Variants in PRRT4 observed in about 807,000 individuals in gnomAD.
PRRT4 encodes the protein proline-rich transmembrane protein 4.
In PRRT4, 59 loss-of-function variants were observed where a neutral mutation model predicts 55.6. That is an observed-to-expected ratio of 1.06 (90% confidence interval 0.86 to 1.32). The LOEUF (loss-of-function observed/expected upper bound fraction) is 1.32, where lower values mean the gene tolerates loss of function less well. Ranked by LOEUF, PRRT4 falls within the 40% of genes most tolerant of loss-of-function variation. The probability of loss-of-function intolerance (pLI) is 0.00; values close to 1 mark genes in which losing one functional copy is unlikely to be tolerated. For synonymous variants in PRRT4, 606 were observed against 601.8 expected, an observed-to-expected ratio of 1.01 and a Z score of -0.10; for missense variants, 1,217 against 1,222.0, an observed-to-expected ratio of 1.00 and a Z score of 0.06.
chr7:128,357,708 G>A (rs73230664), intron 4 of PRRT4, among the ~76,000 whole-genome samples: 4,973 of 152,306 alleles, frequency 0.033, 94 homozygotes, highest in South Asian at 0.066. Context: ...TGAGCCTAGT[G>A]AGGGGTGACT....
rs1165551855 is a variant in PRRT4 at position 128,351,905 on chromosome 7, G to A, written c.1651C>T (p.Arg551Trp). The A allele has an allele frequency of 6.0e-6, 8 of 1,323,592 alleles. No homozygotes were observed. In the South Asian group the frequency reaches 6.4e-5, roughly 11 times the overall value. The allele number at this position is 1,323,592 out of a possible 1,614,324, so 82.0% of individuals were successfully genotyped here. ...CGCGCCGCGCGCCGCCAGGACTCCC[G>A]AGGGGCGAAGGGGCTGCGCCCCTGC... The change falls in exon 5 of 5, where the codon CGG becomes TGG. Residue 551 changes from arginine (R) to tryptophan (W), a missense_variant. Around this residue, in one of 3 missense-constraint regions of PRRT4, gnomAD observed 642 missense variants for 600.9 expected, o/e 1.07. Coordinates refer to ENST00000535159, the Ensembl canonical transcript of PRRT4.
chr7:128,351,583 G>A (rs1796971496), exon 5 of PRRT4: 3 of 1,502,850 alleles, frequency 2.0e-6, no homozygotes, highest in African/African-American at 2.9e-5. Flanking sequence ...CTCCTTGTCT[G>A]GGGGCCCAGT....
chr7:128,356,895 C>G (rs1255056586), intron 4 of PRRT4, among the ~76,000 whole-genome samples: 1 of 152,190 alleles, frequency 6.6e-6, no homozygotes, highest in African/African-American at 2.4e-5. Flanking sequence ...AGGGGTGACA[C>G]TCAAAATGTC....
intron 3 of PRRT4, 129 bp downstream of exon 4, chr7:128,359,020 G>T: frequency 8.3e-7 from 1 of 1,209,252 alleles, no homozygotes; most frequent in Non-Finnish European, 1.2e-6. Flanking sequence ...GGAAGTAGTA[G>T]CCCATATCCT....
intron 4 of PRRT4, among the ~76,000 whole-genome samples, chr7:128,357,395 GC>G (rs1797137630): frequency 6.6e-6 from 1 of 152,066 alleles, no homozygotes; most frequent in African/African-American, 2.4e-5. Context: ...ATGAGGTGGG[GC>G]CGCCAGCCTG....
chr7:128,352,240 AG>A lies in PRRT4; in HGVS notation c.1315del (p.Leu439PhefsTer132). ...GCCGGCAGCCAAGCAGGGCAGCGGA[AG>A]GTCCTGCAGCAGCAGCCAGGCGAGC... On this transcript the variant is annotated frameshift_variant, in exon 5 of 5. Coordinates refer to ENST00000535159, the Ensembl canonical transcript of PRRT4. LOFTEE classifies it high-confidence loss of function. 6.5e-7 allele frequency: 1 copy of A among 1,539,710 alleles called. No individual in the cohort carries two copies. Among genetic ancestry groups the A allele is most frequent in the Non-Finnish European group, 8.7e-7 (1 of 1,145,360 alleles).
exon 5 of PRRT4, chr7:128,351,639 G>A (rs1456586762): frequency 4.6e-6 from 7 of 1,515,806 alleles, no homozygotes; most frequent in African/African-American, 2.8e-5. Flanking sequence ...CCGGGGACAA[G>A]CGGAAGAGCT....
chr7:128,361,097 T>TCACACA (rs1384355573), intron 1 of PRRT4, among the ~76,000 whole-genome samples: 2 of 136,302 alleles, frequency 1.5e-5, no homozygotes, highest in African/African-American at 5.9e-5. Flanking sequence ...TCTCTCTCTC[T>TCACACA]CTCTCTCACA....
At chr7:128,357,469 C>A (rs868415750) in intron 4 of PRRT4, among the ~76,000 whole-genome samples, 1 of 152,134 alleles carries the variant, frequency 6.6e-6, no homozygotes, top group East Asian at 1.9e-4. Context: ...GCGCTGTCAC[C>A]AAGGCCGACA....
At chr7:128,350,902 C>T in exon 5 of PRRT4, 2 of 1,550,858 alleles carry the variant, frequency 1.3e-6, no homozygotes, top group South Asian at 1.2e-5. Context: ...GTCGATCTGT[C>T]GGCAGGCGTC....
exon 5 of PRRT4, chr7:128,350,858 A>G (rs931083399): frequency 2.6e-6 from 4 of 1,550,714 alleles, no homozygotes; most frequent in Non-Finnish European, 1.7e-6. Context: ...CCACCTCTTC[A>G]CAGGTCTATG....
In PRRT4 at chr7:128,358,932, GC is replaced by G. The variant is rs1797173141; in HGVS notation, c.758-133del. ...ACTGTCCCAGGAATTGTAGCCACAT[GC>G]TAAGCTCATGTACACCATGAGCTAA... On this transcript the variant is annotated intron_variant, in intron 3 of 4. Coordinates refer to ENST00000535159, the Ensembl canonical transcript of PRRT4. This position sits in a 1 kb window ranked among gnomAD's most constrained non-coding sequence, Gnocchi z 4.4. 1 of 1,394,960 alleles carries G rather than the reference GC, an allele frequency of 7.2e-7. No individual in the cohort carries two copies. The highest frequency in any genetic ancestry group is 1.5e-5 in the African/African-American group (1 of 68,576). The allele number at this position is 1,394,960 out of a possible 1,614,324, so 86.4% of individuals were successfully genotyped here.
chr7:128,359,524 G>A (rs1797192408), exon 2 of PRRT4: 1 of 1,478,852 alleles, frequency 6.8e-7, no homozygotes, highest in Non-Finnish European at 9.0e-7. Context: ...TCAGAGCAGT[G>A]TCCCAGGTCA....
chr7:128,354,274 C>T (rs1797063918), intron 4 of PRRT4, among the ~76,000 whole-genome samples: 1 of 152,138 alleles, frequency 6.6e-6, no homozygotes, highest in South Asian at 2.1e-4. Context: ...CAAAACATAA[C>T]AGTTCTAGGC....
chr7:128,351,494 G>A, exon 5 of PRRT4: 2 of 1,517,350 alleles, frequency 1.3e-6, no homozygotes, highest in Non-Finnish European at 1.8e-6. Context: ...CCCTGGAGTA[G>A]GAGGTCTGGG....
At chr7:128,350,583 T>C (rs544072322), downstream of PRRT4, 136 of 500,020 alleles carry the variant, frequency 2.7e-4, 1 homozygote, top group Middle Eastern at 2.2e-3. Context: ...CCTTGGAGCT[T>C]TATTGCTGGT....
rs754126331 is a variant in PRRT4, at chr7:128,359,865, T to G, written c.127A>C (p.Ser43Arg). 2.0e-4 allele frequency: 297 copies of G among 1,481,990 alleles called. No individual in the cohort carries two copies. Among genetic ancestry groups the G allele is most frequent in the Non-Finnish European group, 2.5e-4 (279 of 1,110,792 alleles). 91.8% of individuals were successfully genotyped at this position (1,481,990 alleles called of 1,614,324 possible). ...TTGAGAGACAGCATAGAGGCCTCAC[T>G]TTGAGGTACGGGGGTCAAAGTGGTG... is the stretch of plus-strand genomic sequence containing the variant. Residue 43 changes from serine to arginine, a missense_variant, in exon 2 of 5, where the codon AGT becomes CGT. Physicochemically the swap from Ser to Arg is moderately radical, Grantham distance 110. Coordinates refer to ENST00000535159, the Ensembl canonical transcript of PRRT4.
exon 5 of PRRT4, chr7:128,351,975 C>A: frequency 1.5e-6 from 2 of 1,299,128 alleles, no homozygotes; most frequent in Non-Finnish European, 2.0e-6. Flanking sequence ...CCAGGGGCGC[C>A]CCGGCCCGCC....
intron 4 of PRRT4, among the ~76,000 whole-genome samples, chr7:128,355,418 G>A (rs549881008): frequency 2.6e-5 from 4 of 152,052 alleles, no homozygotes; most frequent in Admixed American, 6.6e-5. Flanking sequence ...GGCTGGTCTC[G>A]AACTCCTGAC....
Sources: allele counts gnomAD v4.1 joint callset (sites outside exome capture counted in the v4.1 genomes callset), GRCh38; gene constraint gnomAD v4.1.1; regional missense constraint gnomAD v4.1.1; non-coding constraint Gnocchi (gnomAD v3.1); transcripts MANE v1.5; gene names NCBI Gene and HGNC (gene_info 2026-07-23, HGNC 2026-07-21).